FLT1: variants seen among roughly 807,000 people sequenced by gnomAD.
FLT1 encodes vascular endothelial growth factor receptor 1.
A neutral mutation model predicts 156.3 loss-of-function variants in FLT1; 49 were observed. The ratio of observed to expected loss-of-function variants is 0.31; its 90% CI spans 0.25 to 0.40. The LOEUF (loss-of-function observed/expected upper bound fraction) is 0.40. Among genes scored for constraint, FLT1 ranks in the 10% least tolerant of loss-of-function variants. The probability of loss-of-function intolerance (pLI) is 1.00; values close to 1 mark genes in which losing one functional copy is unlikely to be tolerated. For missense variants in FLT1, 1,322 were observed against 1,637.2 expected (o/e 0.81, Z 3.32); for synonymous variants, 594 against 583.8 (o/e 1.02, Z -0.25).
rs767531842 is a variant in FLT1 at position 28,317,562 on chromosome 13, C to T, written c.3322G>A (p.Asp1108Asn). The change falls in exon 25 of 30, where the codon GAC becomes AAC. Residue 1108 changes from aspartate to asparagine, a missense_variant. Coordinates refer to ENST00000282397, the MANE Select transcript of FLT1 (RefSeq NM_002019.4). ...SPYPGVQMDE[D>N]FCSRLREGMR... ...CCTTCCCTCAGGCGACTGCAAAAGT[C>T]CTCATCCATTTGTACTCCTGGGTAT... is the stretch of plus-strand genomic sequence containing the variant. 3 of 1,613,992 alleles carry T rather than the reference C, an allele frequency of 1.9e-6. No individual in the cohort carries two copies. The highest frequency in any genetic ancestry group is 4.5e-5 in the East Asian group (2 of 44,890).
Position 28,332,527 on chromosome 13 carries a change from C to T in FLT1, c.2593+1498G>A, listed in dbSNP as rs191857118. Among the ~76,000 whole-genome samples the T allele has an allele frequency of 4.6e-5, 7 of 152,216 alleles. No individual in the cohort carries two copies. The East Asian group carries it at 1.4e-3, about 29-fold the overall frequency. The stretch of plus-strand genomic sequence containing the variant: ...ACTGGATTGCCTCCATAAACTAGGC[C>T]AGGATCATCTTCAGGGTTTTGGAGC... On this transcript the variant is annotated intron_variant, in intron 18 of 29. Coordinates refer to ENST00000282397, the MANE Select transcript of FLT1 (RefSeq NM_002019.4).
At position 28,322,763 on chromosome 13, in the gene FLT1, G is replaced by A. The variant is rs375149324; in HGVS notation, c.2953+27C>T. 1.1e-4 allele frequency: 169 copies of A among 1,607,936 alleles called. No homozygotes were observed. The highest frequency in any genetic ancestry group is 1.9e-4 in the Middle Eastern group (1 of 5,248). Reference sequence around the variant, plus strand: ...GTATGTTGTAAAAATATCTCAGCGCGTAGGACAGGAAGGAATTAATACCTA... The same window carrying A: ...GTATGTTGTAAAAATATCTCAGCGCATAGGACAGGAAGGAATTAATACCTA... On this transcript the variant is annotated intron_variant, in intron 21 of 29. Coordinates refer to ENST00000282397, the MANE Select transcript of FLT1 (RefSeq NM_002019.4). This position sits in a 1 kb window ranked among gnomAD's most constrained non-coding sequence, Gnocchi z 4.3.
chr13:28,442,273 G>A (rs960913855), intron 3 of FLT1, among the ~76,000 whole-genome samples: 27 of 151,998 alleles, frequency 1.8e-4, no homozygotes, highest in Admixed American at 1.7e-3. Context: ...ACTAAGAAAT[G>A]GTTTAATTCA....
intron 14 of FLT1, among the ~76,000 whole-genome samples, chr13:28,383,632 A>T (rs1874175837): frequency 6.6e-6 from 1 of 151,946 alleles, no homozygotes. Context: ...ACTGCACTCC[A>T]GCCTGGGCGA....
At chr13:28,424,333 T>A (rs1877208849) in intron 10 of FLT1, among the ~76,000 whole-genome samples, 1 of 152,136 alleles carries the variant, frequency 6.6e-6, no homozygotes, top group Admixed American at 6.5e-5. Context: ...TTAAAAGTAA[T>A]CATCCTTTCC....
At chr13:28,383,389 T>C (rs1874162382) in intron 14 of FLT1, among the ~76,000 whole-genome samples, 1 of 152,124 alleles carries the variant, frequency 6.6e-6, no homozygotes, top group South Asian at 2.1e-4. Context: ...TAGAGCCGGG[T>C]GTGGTGGCTC....
intron 1 of FLT1, among the ~76,000 whole-genome samples, chr13:28,490,492 C>T (rs1289098788): frequency 6.6e-6 from 1 of 152,188 alleles, no homozygotes; most frequent in African/African-American, 2.4e-5. Flanking sequence ...TCAAATACCC[C>T]ATTCCTCCAA....
rs147464094 is a variant in FLT1 at position 28,458,869 on chromosome 13, T to A, written c.388+8034A>T. Among the ~76,000 whole-genome samples, 5 of 152,328 alleles carry A rather than the reference T, an allele frequency of 3.3e-5. No homozygotes were observed. The East Asian group carries it at 9.6e-4, about 29-fold the overall frequency. Reference sequence around the variant, plus strand: ...TGGATAGAATGAATAATCTCCTTCATACTTCAGCCCTAGAAGGAGTGCACA... The same window carrying A: ...TGGATAGAATGAATAATCTCCTTCAAACTTCAGCCCTAGAAGGAGTGCACA... On this transcript the variant is annotated intron_variant, in intron 3 of 29. Transcript: ENST00000282397.
chr13:28,352,388 G>A (rs1193632526), intron 15 of FLT1, among the ~76,000 whole-genome samples: 5 of 152,128 alleles, frequency 3.3e-5, no homozygotes, highest in African/African-American at 9.7e-5. Flanking sequence ...CCAGGCCCTC[G>A]CAGAGCCCAG....
chr13:28,359,173 A>G (rs949774327), intron 14 of FLT1, among the ~76,000 whole-genome samples: 1 of 152,266 alleles, frequency 6.6e-6, no homozygotes, highest in Non-Finnish European at 1.5e-5. Context: ...ACAGCATGGT[A>G]CTGTTATAAA....
intron 14 of FLT1, among the ~76,000 whole-genome samples, 183 bp from the exon 15 acceptor site, chr13:28,357,868 CTTTTTTT>C (rs57304530): frequency 4.8e-5 from 5 of 104,732 alleles, no homozygotes; most frequent in African/African-American, 1.1e-4. Context: ...CTTTTCTTTC[CTTTTTTT>C]TTTTTTTTTT....
chr13:28,449,553 G>T (rs1164147044), intron 3 of FLT1, among the ~76,000 whole-genome samples: 1 of 149,190 alleles, frequency 6.7e-6, no homozygotes, highest in Non-Finnish European at 1.5e-5. Flanking sequence ...AAATCTCACT[G>T]AGACTGGCTT....
At chr13:28,356,992 G>T (rs543746868) in intron 15 of FLT1, among the ~76,000 whole-genome samples, 10 of 152,304 alleles carry the variant, frequency 6.6e-5, no homozygotes, top group African/African-American at 2.4e-4. Context: ...CTATAAAGAG[G>T]AAGCACTTGG....
chr13:28,332,849 T>C (rs565439738), intron 18 of FLT1, among the ~76,000 whole-genome samples: 50 of 152,340 alleles, frequency 3.3e-4, no homozygotes, highest in African/African-American at 9.4e-4. Context: ...CTTTCTTACA[T>C]AGAAGACATG....
intron 14 of FLT1, among the ~76,000 whole-genome samples, chr13:28,381,359 C>A (rs1874072800): frequency 1.3e-5 from 2 of 152,024 alleles, no homozygotes; most frequent in Non-Finnish European, 2.9e-5. Context: ...GAGTTTGAGA[C>A]CAGCTTGGCC....
chr13:28,308,521 G>A (rs1870847723), intron 28 of FLT1: 1 of 383,734 alleles, frequency 2.6e-6, no homozygotes, highest in Admixed American at 3.7e-5. Flanking sequence ...CCACACAGCT[G>A]GGAGTTCCTC....
At chr13:28,307,090 A>G (rs922619006) in intron 28 of FLT1, among the ~76,000 whole-genome samples, 126 of 152,364 alleles carry the variant, frequency 8.3e-4, no homozygotes, top group African/African-American at 2.9e-3. Flanking sequence ...CAAAGATACT[A>G]AAACTAATTT....
intron 18 of FLT1, among the ~76,000 whole-genome samples, chr13:28,332,060 CA>C (rs960634136): frequency 3.3e-5 from 5 of 151,340 alleles, no homozygotes; most frequent in Non-Finnish European, 5.9e-5. Flanking sequence ...ACTGTCTCTA[CA>C]AAAAAAAATT....
At chr13:28,409,495 A>G (rs1264096140) in intron 10 of FLT1, among the ~76,000 whole-genome samples, 1 of 151,780 alleles carries the variant, frequency 6.6e-6, no homozygotes, top group Non-Finnish European at 1.5e-5. Context: ...CCATCATGCG[A>G]GGATAATTTT....
Sources: allele counts gnomAD v4.1 joint callset (sites outside exome capture counted in the v4.1 genomes callset), GRCh38; gene constraint gnomAD v4.1.1; non-coding constraint Gnocchi (gnomAD v3.1); transcripts MANE v1.5; gene names NCBI Gene and HGNC (gene_info 2026-07-23, HGNC 2026-07-21).